DPYD: variants seen among roughly 807,000 people sequenced by gnomAD.
DPYD encodes dihydropyrimidine dehydrogenase [NADP(+)].
A neutral mutation model predicts 116.2 loss-of-function variants in DPYD; 109 were observed. The observed-to-expected ratio is 0.94, with a 90% CI of 0.80 to 1.10. The LOEUF is 1.10. Among genes scored for constraint, DPYD ranks in the 50% least tolerant of loss-of-function variants. The probability of loss-of-function intolerance (pLI) is 0.00; values close to 1 mark genes in which losing one functional copy is unlikely to be tolerated. For missense variants in DPYD, 1,302 were observed against 1,254.5 expected, an observed-to-expected ratio of 1.04 and a Z score of -0.57; for synonymous variants, 440 against 432.0, an observed-to-expected ratio of 1.02 and a Z score of -0.23.
At chr1:97,265,836 TGATACTCTCTACTTAGATGA>T (rs1172005968) in intron 18 of DPYD, among the ~76,000 whole-genome samples, 1 of 152,146 alleles carries the variant, frequency 6.6e-6, no homozygotes, top group Non-Finnish European at 1.5e-5. Context: ...TAGAAAATTT[TGATACTCTCTACTTAGATGA>T]CTAAGTTTCT....
At chr1:97,705,550 T>C (rs1661893797) in intron 5 of DPYD, among the ~76,000 whole-genome samples, 1 of 151,960 alleles carries the variant, frequency 6.6e-6, no homozygotes, top group South Asian at 2.1e-4. Flanking sequence ...ACATTTGGGT[T>C]GGTTCCAAGT....
intron 2 of DPYD, among the ~76,000 whole-genome samples, chr1:97,841,910 G>A (rs1670059016): frequency 6.6e-6 from 1 of 151,448 alleles, no homozygotes; most frequent in African/African-American, 2.4e-5. Flanking sequence ...GTATCTGAAG[G>A]GCTTAAACAG....
chr1:97,740,568 G>A (rs768008985), intron 3 of DPYD, 89 bp from the exon 4 acceptor site: 2 of 1,098,894 alleles, frequency 1.8e-6, no homozygotes, highest in South Asian at 1.3e-5. Flanking sequence ...TCCGTGTCTA[G>A]TAAGTATAAA....
chr1:97,277,415 A>C (rs1665011334), intron 18 of DPYD, among the ~76,000 whole-genome samples: 1 of 152,004 alleles, frequency 6.6e-6, no homozygotes. Flanking sequence ...ACAAACAAAT[A>C]AACAAACAAA....
chr1:97,865,880 C>T (rs1198716346), intron 2 of DPYD, among the ~76,000 whole-genome samples: 1 of 151,866 alleles, frequency 6.6e-6, no homozygotes, highest in Non-Finnish European at 1.5e-5. Flanking sequence ...TTAATATATA[C>T]AATACAACTT....
chr1:97,869,381 A>T (rs1012824393), intron 2 of DPYD, among the ~76,000 whole-genome samples: 2 of 151,856 alleles, frequency 1.3e-5, no homozygotes, highest in Non-Finnish European at 2.9e-5. Flanking sequence ...AATCCTATAA[A>T]TAAGAAATAT....
chr1:97,860,879 G>GT (rs1285267032), intron 2 of DPYD, among the ~76,000 whole-genome samples: 1 of 151,272 alleles, frequency 6.6e-6, no homozygotes, highest in East Asian at 1.9e-4. Context: ...AAGCTACAGG[G>GT]TAAAAAAAAA....
At chr1:97,781,203 T>C (rs1666725049) in intron 3 of DPYD, among the ~76,000 whole-genome samples, 1 of 152,234 alleles carries the variant, frequency 6.6e-6, no homozygotes, top group Non-Finnish European at 1.5e-5. Flanking sequence ...ACTATAAATG[T>C]TTAAACATTT....
intron 11 of DPYD, among the ~76,000 whole-genome samples, chr1:97,559,089 C>T (rs554114887): frequency 2.6e-5 from 4 of 152,052 alleles, no homozygotes; most frequent in Non-Finnish European, 4.4e-5. Context: ...ATTCTATGCA[C>T]ATTTGGGTGC....
chr1:97,234,272 A>G (rs1661764374), intron 19 of DPYD, among the ~76,000 whole-genome samples: 1 of 152,118 alleles, frequency 6.6e-6, no homozygotes, highest in Non-Finnish European at 1.5e-5. Flanking sequence ...TAATGTTCTA[A>G]TTTTTATTAT....
intron 2 of DPYD, among the ~76,000 whole-genome samples, chr1:97,881,884 C>T (rs1672241161): frequency 6.6e-6 from 1 of 151,566 alleles, no homozygotes; most frequent in African/African-American, 2.4e-5. Context: ...GGAGGGATAG[C>T]ATTAGGAGAT....
chr1:97,429,280 T>G (rs902291068), intron 14 of DPYD, among the ~76,000 whole-genome samples: 2 of 152,026 alleles, frequency 1.3e-5, no homozygotes, highest in Admixed American at 1.3e-4. Flanking sequence ...TTGGTATGCT[T>G]TCTAAGTTGT....
At chr1:97,170,017 G>T (rs1656607809) in intron 20 of DPYD, among the ~76,000 whole-genome samples, 2 of 152,200 alleles carry the variant, frequency 1.3e-5, no homozygotes, top group African/African-American at 4.8e-5. Flanking sequence ...TTTGGTGCAA[G>T]AGTATGAGGC....
At chr1:97,396,914 G>A (rs1329365986) in intron 14 of DPYD, among the ~76,000 whole-genome samples, 2 of 148,682 alleles carry the variant, frequency 1.3e-5, no homozygotes, top group Admixed American at 6.7e-5. Context: ...ATATTCAAGT[G>A]TGCTACACCA....
rs1658501200 is a variant in DPYD at position 97,193,149 on chromosome 1, C to T, written c.2542G>A (p.Asp848Asn). The T allele has an allele frequency of 6.2e-7, 1 of 1,613,920 alleles. No individual in the cohort carries two copies. Among genetic ancestry groups the T allele is most frequent in the African/African-American group, 1.3e-5 (1 of 74,924 alleles). ...LYLKSIEELQ[D>N]WDGQSPATVS... ...GTAGCTGGACTCTGTCCATCCCAGTCTTGTAGTTCTTCAATGCTTTTCAGA... is the reference window on the plus strand; with the variant it reads ...GTAGCTGGACTCTGTCCATCCCAGTTTTGTAGTTCTTCAATGCTTTTCAGA... The change falls in exon 20 of 23, where the codon GAC becomes AAC. Residue 848 changes from aspartate (D) to asparagine (N), a missense_variant. Coordinates refer to ENST00000370192, the MANE Select transcript of DPYD (RefSeq NM_000110.4).
At chr1:97,392,358 C>T (rs886504970) in intron 14 of DPYD, among the ~76,000 whole-genome samples, 1 of 151,124 alleles carries the variant, frequency 6.6e-6, no homozygotes, top group Non-Finnish European at 1.5e-5. Flanking sequence ...CTTTTTTTTC[C>T]TTCTTTTTTT....
chr1:97,136,225 T>C (rs1287258468), intron 20 of DPYD, among the ~76,000 whole-genome samples: 1 of 152,194 alleles, frequency 6.6e-6, no homozygotes, highest in Non-Finnish European at 1.5e-5. Flanking sequence ...TCTCCATTCA[T>C]AAAACTCTAA....
At chr1:97,720,745 C>A (rs1334096536) in intron 5 of DPYD, 1 of 1,437,482 alleles carries the variant, frequency 7.0e-7, no homozygotes, top group Non-Finnish European at 9.1e-7. Context: ...GACCTTCTAG[C>A]CAACTAGTCT....
At chr1:97,268,306 C>T (rs1188447274) in intron 18 of DPYD, among the ~76,000 whole-genome samples, 1 of 151,972 alleles carries the variant, frequency 6.6e-6, no homozygotes, top group Non-Finnish European at 1.5e-5. Flanking sequence ...ATGCTGGTGG[C>T]ACCACAGTTC....
Sources: gnomAD v4.1 joint callset for allele counts (sites outside exome capture counted in the v4.1 genomes callset) on GRCh38, gnomAD v4.1.1 for gene constraint, MANE v1.5 for transcripts, NCBI Gene and HGNC (gene_info 2026-07-23, HGNC 2026-07-21) for gene names.